PDIK1L: variants seen among roughly 807,000 people sequenced by gnomAD.
PDIK1L encodes serine/threonine-protein kinase PDIK1L.
In PDIK1L, 9 loss-of-function variants were observed where a neutral mutation model predicts 27.1. That is an observed-to-expected ratio of 0.33 (90% CI 0.20 to 0.58). The LOEUF (loss-of-function observed/expected upper bound fraction) is 0.58. Ranked by LOEUF, PDIK1L falls within the 20% of genes least tolerant of loss-of-function variation. The pLI is 0.86. For missense variants in PDIK1L, 216 were observed against 413.2 expected (o/e 0.52, Z 4.14); for synonymous variants, 130 against 141.7 (o/e 0.92, Z 0.59).
chr1:26,121,344 G>A (rs1234258219), intron 2 of PDIK1L, among the ~76,000 whole-genome samples: 2 of 152,200 alleles, frequency 1.3e-5, no homozygotes, highest in Non-Finnish European at 2.9e-5. Flanking sequence ...ACAGCTGGTT[G>A]TTCCTTGATC....
rs557249352 is a variant in PDIK1L at position 26,122,597 on chromosome 1, C to T, written c.*20C>T. ...ACGTGACACATATTATTTGCAAATA[C>T]CATGGATGATATGCTGCTTCTGTTT... On this transcript the variant is annotated 3_prime_UTR_variant, in exon 3 of 3. Transcript: ENST00000374269. The surrounding 1 kb of genome is among the most constrained non-coding windows in gnomAD (Gnocchi z 5.4). 1.3e-6 allele frequency: 2 copies of T among 1,581,982 alleles called. No individual in the cohort carries two copies. The highest frequency in any genetic ancestry group is 3.6e-5 in the Admixed American group (2 of 55,090).
chr1:26,123,099 G>T lies in PDIK1L; in HGVS notation c.*522G>T, dbSNP rs1340790042. On this transcript the variant is annotated 3_prime_UTR_variant, in exon 3 of 3. Coordinates refer to ENST00000374269, the MANE Select transcript of PDIK1L (RefSeq NM_152835.5). Reference sequence around the variant, plus strand: ...AGGTTTGGGTTTTTGAGATTTGCTGGTGAAGTCAGTGACGAAAAATAAACC... The same window carrying T: ...AGGTTTGGGTTTTTGAGATTTGCTGTTGAAGTCAGTGACGAAAAATAAACC... 6.6e-6 allele frequency: 1 copy of T among 152,060 alleles called. No individual in the cohort carries two copies. The highest frequency in any genetic ancestry group is 1.5e-5 in the Non-Finnish European group (1 of 67,986). 9.4% of individuals were successfully genotyped at this position (152,060 alleles called of 1,614,324 possible). A position where few individuals can be genotyped will look rare whatever the true frequency, so the allele number is the denominator to read the frequency against.
intron 2 of PDIK1L, among the ~76,000 whole-genome samples, chr1:26,115,711 A>G (rs1190184661): frequency 6.6e-6 from 1 of 151,938 alleles, no homozygotes; most frequent in African/African-American, 2.4e-5. Flanking sequence ...CTGAGGCAGG[A>G]GAATGGCGTG....
At chr1:26,115,029 A>G (rs1474445196) in intron 2 of PDIK1L, among the ~76,000 whole-genome samples, 11 of 152,248 alleles carry the variant, frequency 7.2e-5, no homozygotes, top group Non-Finnish European at 1.5e-4. Flanking sequence ...CTGCTGTTTT[A>G]GAGGGATATC....
rs1421684523 is a variant in PDIK1L at position 26,114,384 on chromosome 1, G to A, written c.76G>A (p.Val26Ile). Residue 26 changes from valine (V) to isoleucine (I), a missense_variant, in exon 2 of 3, where the codon GTC becomes ATC. By Grantham distance (29) the Val-to-Ile change is conservative. Around this residue, in one of 2 missense-constraint regions of PDIK1L, gnomAD observed 47 missense variants for 47.2 expected, o/e 1.00. Coordinates refer to ENST00000374269, the MANE Select transcript of PDIK1L (RefSeq NM_152835.5). The surrounding 1 kb of genome is among the most constrained non-coding windows in gnomAD (Gnocchi z 4.8). Reference protein sequence around the residue: ...RGSYGVVYEAVIRKTSARVAV... With the variant: ...RGSYGVVYEAIIRKTSARVAV... Reference sequence around the variant, plus strand: ...TAGTTACGGTGTTGTGTATGAAGCAGTCATCAGAAAGACCTCTGCACGGGT... The same window carrying A: ...TAGTTACGGTGTTGTGTATGAAGCAATCATCAGAAAGACCTCTGCACGGGT... 1.9e-5 allele frequency: 30 copies of A among 1,613,938 alleles called. No individual in the cohort carries two copies. The highest frequency in any genetic ancestry group is 1.5e-4 in the Admixed American group (9 of 59,956).
rs529437168 is a variant in PDIK1L at position 26,114,758 on chromosome 1, G to A, written c.285+165G>A. ...TGAGTAGATGTTTGCTTTAAAACAA[G>A]GTTTTATTTAAACCTGTGAGGCACA... On this transcript the variant is annotated intron_variant, in intron 2 of 2. Transcript: ENST00000374269. The surrounding 1 kb of genome is among the most constrained non-coding windows in gnomAD (Gnocchi z 4.8). Among the ~76,000 whole-genome samples, 1 of 152,260 alleles carries A rather than the reference G, an allele frequency of 6.6e-6. No homozygotes were observed. The highest frequency in any genetic ancestry group is 2.4e-5 in the African/African-American group (1 of 41,542).
intron 2 of PDIK1L, among the ~76,000 whole-genome samples, chr1:26,116,215 A>C (rs1416389122): frequency 6.6e-6 from 1 of 151,622 alleles, no homozygotes; most frequent in Non-Finnish European, 1.5e-5. Flanking sequence ...AAAAAAAAAA[A>C]AACTCTGCTT....
intron 1 of PDIK1L, chr1:26,112,426 G>A (rs554316158): frequency 7.9e-5 from 12 of 152,356 alleles, no homozygotes; most frequent in Non-Finnish European, 1.2e-4. Context: ...GGGATCCCAC[G>A]GGTTTCATAA....
Position 26,122,617 on chromosome 1 carries a change from C to T in PDIK1L, c.*40C>T, listed in dbSNP as rs574147146. The T allele has an allele frequency of 6.4e-7, 1 of 1,557,430 alleles. No homozygotes were observed. The highest frequency in any genetic ancestry group is 1.2e-5 in the South Asian group (1 of 81,650). ...AAATACCATGGATGATATGCTGCTT[C>T]TGTTTAACAGTGATGCAACATTATG... On this transcript the variant is annotated 3_prime_UTR_variant, in exon 3 of 3. Coordinates refer to ENST00000374269, the MANE Select transcript of PDIK1L (RefSeq NM_152835.5). This position sits in a 1 kb window ranked among gnomAD's most constrained non-coding sequence, Gnocchi z 5.4.
chr1:26,114,639 T>C lies in PDIK1L; in HGVS notation c.285+46T>C, dbSNP rs748512216. 1 of 1,574,666 alleles carries C rather than the reference T, an allele frequency of 6.4e-7. No homozygotes were observed. The highest frequency in any genetic ancestry group is 8.7e-7 in the Non-Finnish European group (1 of 1,150,764). On this transcript the variant is annotated intron_variant, in intron 2 of 2. Transcript: ENST00000374269. The surrounding 1 kb of genome is among the most constrained non-coding windows in gnomAD (Gnocchi z 4.8). ...AATAGAAATGATTTGAACATGGCAT[T>C]GGCCAGCAAGAAGAGGAATGAAAGG...
At chr1:26,120,860 G>T in intron 2 of PDIK1L, among the ~76,000 whole-genome samples, 1 of 151,782 alleles carries the variant, frequency 6.6e-6, no homozygotes, top group East Asian at 1.9e-4. Flanking sequence ...GCCGAGGCAG[G>T]AGAATCTCTT....
intron 2 of PDIK1L, among the ~76,000 whole-genome samples, chr1:26,121,422 C>T (rs1013701296): frequency 1.3e-5 from 2 of 152,094 alleles, no homozygotes; most frequent in African/African-American, 2.4e-5. Context: ...ATATTTCAGG[C>T]GATTTCATTG....
At chr1:26,112,097 C>T (rs977330099) in intron 1 of PDIK1L, among the ~76,000 whole-genome samples, 182 bp downstream of exon 1, 1 of 152,082 alleles carries the variant, frequency 6.6e-6, no homozygotes, top group African/African-American at 2.4e-5. Context: ...CCACCTCCCC[C>T]CGGCCCTCAG....
chr1:26,120,541 A>G (rs2087961627), intron 2 of PDIK1L, among the ~76,000 whole-genome samples: 1 of 152,218 alleles, frequency 6.6e-6, no homozygotes, highest in Non-Finnish European at 1.5e-5. Context: ...GATGGTAGAG[A>G]AAGTACCAGT....
At chr1:26,115,566 C>T (rs2087862391) in intron 2 of PDIK1L, among the ~76,000 whole-genome samples, 1 of 152,076 alleles carries the variant, frequency 6.6e-6, no homozygotes, top group African/African-American at 2.4e-5. Context: ...CTTTGGGAGG[C>T]CAGGACGGGC....
At chr1:26,118,119 A>G (rs1281932539) in intron 2 of PDIK1L, among the ~76,000 whole-genome samples, 1 of 152,108 alleles carries the variant, frequency 6.6e-6, no homozygotes, top group African/African-American at 2.4e-5. Context: ...AGAGACTAAG[A>G]GGCATGATCT....
At chr1:26,118,669 C>T (rs535981117) in intron 2 of PDIK1L, among the ~76,000 whole-genome samples, 67 of 152,308 alleles carry the variant, frequency 4.4e-4, no homozygotes, top group Non-Finnish European at 2.1e-4. Flanking sequence ...ATACTTGGTA[C>T]ATATAAGTAC....
intron 2 of PDIK1L, among the ~76,000 whole-genome samples, chr1:26,118,147 C>G (rs1282904656): frequency 6.6e-6 from 1 of 151,658 alleles, no homozygotes; most frequent in Non-Finnish European, 1.5e-5. Context: ...ACTAGAAAAG[C>G]AAAGATATTT....
Position 26,114,208 on chromosome 1 carries a change from G to C in PDIK1L, c.-17-84G>C, listed in dbSNP as rs2087843986. 2 of 1,334,842 alleles carry C rather than the reference G, an allele frequency of 1.5e-6. No individual in the cohort carries two copies. The highest frequency in any genetic ancestry group is 5.2e-5 in the Admixed American group (2 of 38,408). The allele number at this position is 1,334,842 out of a possible 1,614,324, so 82.7% of individuals were successfully genotyped here. ...TTCAAGCACTGCAGACAGTCAGACA[G>C]ATGACAAGTAAATCATACATAAGAA... On this transcript the variant is annotated intron_variant, in intron 1 of 2. Transcript: ENST00000374269. The surrounding 1 kb of genome is among the most constrained non-coding windows in gnomAD (Gnocchi z 4.8).
Sources: gnomAD v4.1 joint callset for allele counts (sites outside exome capture counted in the v4.1 genomes callset) on GRCh38, gnomAD v4.1.1 for gene constraint, gnomAD v4.1.1 regional missense constraint, Gnocchi (gnomAD v3.1) non-coding constraint, MANE v1.5 for transcripts, NCBI Gene and HGNC (gene_info 2026-07-23, HGNC 2026-07-21) for gene names.